The following STXBP6 variants were observed in gnomAD, a reference collection of about 807,000 sequenced individuals.
The protein encoded by STXBP6 is syntaxin binding protein 6, also known as syntaxin-binding protein 6.
STXBP6 carries 21 observed loss-of-function variants against 26.9 expected under a neutral mutation model. The ratio of observed to expected loss-of-function variants is 0.78; its 90% CI spans 0.55 to 1.12. The LOEUF (loss-of-function observed/expected upper bound fraction) is 1.12, where lower values mean the gene tolerates loss of function less well. STXBP6 is among the 50% of genes most tolerant of loss of function. The probability of loss-of-function intolerance (pLI) is 0.00; values close to 1 mark genes in which losing one functional copy is unlikely to be tolerated. For synonymous variants in STXBP6, 97 were observed against 92.6 expected, an observed-to-expected ratio of 1.05 and a Z score of -0.27; for missense variants, 232 against 257.9, an observed-to-expected ratio of 0.90 and a Z score of 0.69.
chr14:25,032,752 T>A (rs1399449263), intron 1 of STXBP6, among the ~76,000 whole-genome samples: 19 of 152,078 alleles, frequency 1.2e-4, no homozygotes, highest in Non-Finnish European at 1.2e-4. Flanking sequence ...CACAGACACC[T>A]CAGAAGGTTA....
intron 2 of STXBP6, among the ~76,000 whole-genome samples, chr14:24,903,458 T>G (rs1408114121): frequency 6.6e-6 from 1 of 152,210 alleles, no homozygotes; most frequent in Non-Finnish European, 1.5e-5. Context: ...TCTTCTATAG[T>G]GTAAGCCACT....
chr14:24,856,253 T>A (rs2069330733), intron 3 of STXBP6, 152 bp from the exon 4 acceptor site: 1 of 757,186 alleles, frequency 1.3e-6, no homozygotes, highest in South Asian at 2.8e-5. Flanking sequence ...GAGTCTACAT[T>A]TCTCTGTTTA....
At position 24,974,716 on chromosome 14, in the gene STXBP6, A is replaced by G; in HGVS notation, c.103T>C (p.Phe35Leu). Residue 35 changes from phenylalanine (F) to leucine (L), a missense_variant, in exon 2 of 6, where the codon TTC becomes CTC. By Grantham distance (22) the Phe-to-Leu change is conservative. Coordinates refer to ENST00000323944, the MANE Select transcript of STXBP6 (RefSeq NM_001394410.1). ...VKRRTKKKIPFLATGGQGEYL... is the reference protein window; with the variant it reads ...VKRRTKKKIPLLATGGQGEYL... ...TCGCCTTGACCTCCAGTTGCCAAGA[A>G]AGGAATCTTTTTCTTTGTCCTCCTC... 1 of 1,576,736 alleles carries G rather than the reference A, an allele frequency of 6.3e-7. No individual in the cohort carries two copies. Among genetic ancestry groups the G allele is most frequent in the Non-Finnish European group, 8.6e-7 (1 of 1,157,996 alleles).
At chr14:25,005,637 T>C (rs1229343763) in intron 1 of STXBP6, among the ~76,000 whole-genome samples, 1 of 152,210 alleles carries the variant, frequency 6.6e-6, no homozygotes, top group Admixed American at 6.5e-5. Context: ...ATGGTGATAC[T>C]ACACTTTTGT....
chr14:24,819,620 G>A (rs1035406409), intron 4 of STXBP6: 15 of 359,698 alleles, frequency 4.2e-5, no homozygotes, highest in African/African-American at 2.5e-4. Context: ...CTGTGGTTTC[G>A]GTGAATAACC....
intron 2 of STXBP6, among the ~76,000 whole-genome samples, chr14:24,939,315 G>A (rs1049472276): frequency 7.9e-5 from 12 of 152,160 alleles, no homozygotes; most frequent in Non-Finnish European, 1.5e-5. Flanking sequence ...ATTCTAGTTT[G>A]GGAAGTCTTG....
rs779154243 is a variant in STXBP6 at position 25,049,517 on chromosome 14, G to A, written c.-33+361C>T. On this transcript the variant is annotated intron_variant, in intron 1 of 5. Coordinates refer to ENST00000323944, the MANE Select transcript of STXBP6 (RefSeq NM_001394410.1). The surrounding 1 kb of genome is among the most constrained non-coding windows in gnomAD (Gnocchi z 5.6). ...GGAGCCTCGGGGCAGCATTCTCGGG[G>A]CCCATGCCATCGCGGGGACGGTGCG... The A allele has an allele frequency of 9.1e-6, 9 of 985,382 alleles. No individual in the cohort carries two copies. In the African/African-American group the frequency reaches 1.0e-4, roughly 11 times the overall value. The allele number at this position is 985,382 out of a possible 1,614,324, so 61.0% of individuals were successfully genotyped here. A position where few individuals can be genotyped will look rare whatever the true frequency, so the allele number is the denominator to read the frequency against.
chr14:24,920,015 A>G (rs1358764362), intron 2 of STXBP6, among the ~76,000 whole-genome samples: 1 of 152,100 alleles, frequency 6.6e-6, no homozygotes, highest in Non-Finnish European at 1.5e-5. Flanking sequence ...TTAGCTTTCC[A>G]GAGGTTTTGA....
At chr14:24,959,573 T>C (rs2073460241) in intron 2 of STXBP6, among the ~76,000 whole-genome samples, 1 of 152,248 alleles carries the variant, frequency 6.6e-6, no homozygotes, top group Non-Finnish European at 1.5e-5. Context: ...TCAGGTAAGA[T>C]GTGGCACATG....
chr14:24,882,374 G>A (rs1360985147), intron 2 of STXBP6, among the ~76,000 whole-genome samples: 6 of 28,406 alleles, frequency 2.1e-4, no homozygotes, highest in Non-Finnish European at 3.3e-4. Context: ...GCGAGACTCC[G>A]TCTCAAAAAA....
chr14:24,968,092 A>G (rs1430605916), intron 2 of STXBP6, among the ~76,000 whole-genome samples: 1 of 151,552 alleles, frequency 6.6e-6, no homozygotes, highest in Non-Finnish European at 1.5e-5. Flanking sequence ...TAATATGCAT[A>G]AGATGAATAC....
intron 1 of STXBP6, among the ~76,000 whole-genome samples, chr14:24,997,325 C>T (rs1027115062): frequency 6.6e-6 from 1 of 152,256 alleles, no homozygotes; most frequent in African/African-American, 2.4e-5. Flanking sequence ...CATGCTCCCT[C>T]TGCCATCTAT....
At position 24,856,008 on chromosome 14, in the gene STXBP6, G is replaced by T; in HGVS notation, c.379C>A (p.His127Asn). The T allele has an allele frequency of 6.2e-7, 1 of 1,611,754 alleles. No homozygotes were observed. Among genetic ancestry groups the T allele is most frequent in the Middle Eastern group, 1.7e-4 (1 of 6,042 alleles). ...SEKCTFFQIL[H>N]HTCQRYLTDR... Reference sequence around the variant, plus strand: ...GTGAGGTACCTCTGGCAGGTATGGTGGAGGATCTGGAAGAAGGTGCATTTT... The same window carrying T: ...GTGAGGTACCTCTGGCAGGTATGGTTGAGGATCTGGAAGAAGGTGCATTTT... Residue 127 changes from histidine (H) to asparagine (N), a missense_variant, in exon 4 of 6, where the codon CAC becomes AAC. Transcript: ENST00000323944.
At position 25,049,431 on chromosome 14, in the gene STXBP6, GT is replaced by G; in HGVS notation, c.-33+446del. ...GATGCCAGAGTTCGCGAAGATCGGAGTGATTCGCGGATTTCTGCGCTCAAGC... is the reference window on the plus strand; with the variant it reads ...GATGCCAGAGTTCGCGAAGATCGGAGGATTCGCGGATTTCTGCGCTCAAGC... On this transcript the variant is annotated intron_variant, in intron 1 of 5. Transcript: ENST00000323944. This position sits in a 1 kb window ranked among gnomAD's most constrained non-coding sequence, Gnocchi z 5.6. The G allele has an allele frequency of 1.0e-6, 1 of 985,414 alleles. No individual in the cohort carries two copies. 61.0% of individuals were successfully genotyped at this position (985,414 alleles called of 1,614,324 possible). A position where few individuals can be genotyped will look rare whatever the true frequency, so the allele number is the denominator to read the frequency against.
intron 2 of STXBP6, among the ~76,000 whole-genome samples, chr14:24,950,425 A>G (rs1036567488): frequency 8.5e-5 from 13 of 152,220 alleles, no homozygotes; most frequent in African/African-American, 3.1e-4. Context: ...ACCCTCAAAA[A>G]GTTTAAATGT....
At chr14:24,884,948 A>T (rs1470775080) in intron 2 of STXBP6, among the ~76,000 whole-genome samples, 1 of 152,178 alleles carries the variant, frequency 6.6e-6, no homozygotes, top group Admixed American at 6.5e-5. Context: ...GGAAGCATAC[A>T]TTCCACAGTT....
chr14:24,932,810 T>A (rs989527085), intron 2 of STXBP6, among the ~76,000 whole-genome samples: 1 of 152,194 alleles, frequency 6.6e-6, no homozygotes, highest in Non-Finnish European at 1.5e-5. Context: ...GATTCCTGGC[T>A]ACGCAACTCA....
intron 1 of STXBP6, among the ~76,000 whole-genome samples, chr14:24,981,318 T>A (rs1426251000): frequency 1.3e-5 from 2 of 152,146 alleles, no homozygotes; most frequent in East Asian, 3.9e-4. Context: ...TTGCCCAGGC[T>A]GGGGTGCAGT....
intron 1 of STXBP6, among the ~76,000 whole-genome samples, chr14:24,986,234 C>A (rs1303634005): frequency 6.6e-6 from 1 of 152,128 alleles, no homozygotes; most frequent in Non-Finnish European, 1.5e-5. Context: ...CACCTTTTTC[C>A]CCTTGAATTT....
Sources: allele counts gnomAD v4.1 joint callset (sites outside exome capture counted in the v4.1 genomes callset), GRCh38; gene constraint gnomAD v4.1.1; non-coding constraint Gnocchi (gnomAD v3.1); transcripts MANE v1.5; gene names NCBI Gene and HGNC (gene_info 2026-07-23, HGNC 2026-07-21).